Variants in CACNA2D3 observed in about 807,000 individuals in gnomAD.
CACNA2D3 encodes voltage-dependent calcium channel subunit alpha-2/delta-3.
Under a neutral mutation model 160.6 loss-of-function variants are expected in CACNA2D3, and 60 were observed. That is an observed-to-expected ratio of 0.37 (90% CI 0.30 to 0.46). The LOEUF is 0.46. Ranked by LOEUF, CACNA2D3 falls within the 20% of genes least tolerant of loss-of-function variation. CACNA2D3 has a pLI of 1.00. For missense variants in CACNA2D3, 1,205 were observed against 1,365.0 expected (o/e 0.88, Z 1.85); for synonymous variants, 558 against 492.9 (o/e 1.13, Z -1.75).
chr3:54,716,537 T>C (rs2106974879), intron 11 of CACNA2D3, among the ~76,000 whole-genome samples: 1 of 152,222 alleles, frequency 6.6e-6, no homozygotes, highest in Non-Finnish European at 1.5e-5. Flanking sequence ...TAAGGGAAAA[T>C]AAACAGAGTA....
intron 31 of CACNA2D3, among the ~76,000 whole-genome samples, chr3:54,998,087 G>A (rs917018040): frequency 6.6e-6 from 1 of 150,426 alleles, no homozygotes; most frequent in Admixed American, 6.6e-5. Context: ...GACCATCAGA[G>A]ATAATGTCAA....
chr3:54,439,974 CTTGTGGTCAGGTGTTACTCTGACG>C (rs869306737), intron 4 of CACNA2D3, among the ~76,000 whole-genome samples: 12 of 152,326 alleles, frequency 7.9e-5, no homozygotes, highest in African/African-American at 2.9e-4. Flanking sequence ...AAGTGTCCTG[CTTGTGGTCAGGTGTTACTCTGACG>C]TTGCCTGGCC....
intron 29 of CACNA2D3, among the ~76,000 whole-genome samples, chr3:54,979,800 A>G (rs1258817725): frequency 6.6e-6 from 1 of 152,128 alleles, no homozygotes; most frequent in Non-Finnish European, 1.5e-5. Context: ...GCACTGTCAG[A>G]GTTCTATAGT....
chr3:54,721,144 A>G (rs1046220844), intron 11 of CACNA2D3, among the ~76,000 whole-genome samples: 6 of 152,148 alleles, frequency 3.9e-5, no homozygotes, highest in South Asian at 4.1e-4. Flanking sequence ...TCTATATTAT[A>G]TTAGCACTTT....
At chr3:54,141,094 C>CGCGCGCACACACGT (rs768348036) in intron 2 of CACNA2D3, among the ~76,000 whole-genome samples, 3 of 81,892 alleles carry the variant, frequency 3.7e-5, no homozygotes, top group African/African-American at 1.1e-4. Context: ...TGTGCGCGCG[C>CGCGCGCACACACGT]GCGCGTGTGT....
chr3:54,265,158 A>C (rs1009190677), intron 2 of CACNA2D3, among the ~76,000 whole-genome samples: 13 of 152,208 alleles, frequency 8.5e-5, no homozygotes. Flanking sequence ...AGGAATCACC[A>C]CACTGTCTTC....
chr3:54,304,011 A>T (rs144704023), intron 2 of CACNA2D3, among the ~76,000 whole-genome samples: 3 of 151,840 alleles, frequency 2.0e-5, no homozygotes, highest in African/African-American at 7.3e-5. Context: ...GTATAAAATG[A>T]TTCTCTAACC....
At chr3:54,656,746 T>C (rs1699880640) in intron 11 of CACNA2D3, among the ~76,000 whole-genome samples, 1 of 152,236 alleles carries the variant, frequency 6.6e-6, no homozygotes, top group African/African-American at 2.4e-5. Context: ...GGATTTGTTT[T>C]ACCAGAAGCA....
At chr3:55,046,547 C>T (rs1313070021) in intron 35 of CACNA2D3, among the ~76,000 whole-genome samples, 3 of 44,942 alleles carry the variant, frequency 6.7e-5, no homozygotes, top group Admixed American at 5.3e-4. Context: ...TGAATAATGC[C>T]GCAATAAACA....
chr3:54,318,727 C>A (rs1485893297), intron 2 of CACNA2D3, among the ~76,000 whole-genome samples: 2 of 139,842 alleles, frequency 1.4e-5, no homozygotes, highest in African/African-American at 5.4e-5. Flanking sequence ...CAAGGCCTTA[C>A]TGTGTCACCC....
chr3:54,267,193 A>C (rs1031736142), intron 2 of CACNA2D3, among the ~76,000 whole-genome samples: 1 of 152,142 alleles, frequency 6.6e-6, no homozygotes, highest in African/African-American at 2.4e-5. Context: ...AGTTTTGTGT[A>C]CTCATTTGTA....
chr3:54,929,877 A>G (rs1160037153), intron 27 of CACNA2D3, among the ~76,000 whole-genome samples: 2 of 152,212 alleles, frequency 1.3e-5, no homozygotes, highest in Non-Finnish European at 2.9e-5. Context: ...TTAATTTATC[A>G]TAACACAACA....
chr3:54,653,545 G>A (rs1699815919), intron 11 of CACNA2D3, among the ~76,000 whole-genome samples: 1 of 152,158 alleles, frequency 6.6e-6, no homozygotes, highest in African/African-American at 2.4e-5. Context: ...CAGTCACTGG[G>A]GTGAGAGCTC....
chr3:54,490,886 G>A (rs1464563599), intron 4 of CACNA2D3, among the ~76,000 whole-genome samples: 1 of 152,132 alleles, frequency 6.6e-6, no homozygotes, highest in Admixed American at 6.5e-5. Flanking sequence ...CCATCACCAT[G>A]GATTCCTGGT....
chr3:54,524,955 T>A (rs992920085), intron 5 of CACNA2D3, among the ~76,000 whole-genome samples: 12 of 152,084 alleles, frequency 7.9e-5, no homozygotes, highest in Non-Finnish European at 1.6e-4. Context: ...GTCTGAAAAA[T>A]CTCTGCCTCT....
chr3:54,877,105 G>A (rs1023887852), intron 18 of CACNA2D3: 2 of 152,158 alleles, frequency 1.3e-5, no homozygotes, highest in Non-Finnish European at 2.9e-5. Context: ...TTGGAGGAGA[G>A]GTCACAAAAT....
intron 14 of CACNA2D3, among the ~76,000 whole-genome samples, chr3:54,831,278 G>A (rs1703873220): frequency 6.6e-6 from 1 of 152,204 alleles, no homozygotes; most frequent in Admixed American, 6.5e-5. Context: ...GCTGCCAAGA[G>A]TGCTGTCCTT....
intron 3 of CACNA2D3, among the ~76,000 whole-genome samples, chr3:54,330,424 G>T (rs60793804): frequency 0.018 from 2,738 of 152,164 alleles, 71 homozygotes; most frequent in African/African-American, 0.063. Context: ...CTCATCCAGG[G>T]TCACGGTTGG....
At chr3:54,307,844 T>C (rs1703647791) in intron 2 of CACNA2D3, among the ~76,000 whole-genome samples, 1 of 152,226 alleles carries the variant, frequency 6.6e-6, no homozygotes, top group Non-Finnish European at 1.5e-5. Flanking sequence ...AATTAACTTT[T>C]GTGGCGCCTG....
Sources: allele counts gnomAD v4.1 joint callset (sites outside exome capture counted in the v4.1 genomes callset), GRCh38; gene constraint gnomAD v4.1.1; transcripts MANE v1.5; gene names NCBI Gene and HGNC (gene_info 2026-07-23, HGNC 2026-07-21).